Variants in ZFHX3 observed in about 807,000 individuals in gnomAD.
ZFHX3 encodes the protein zinc finger homeobox 3.
In ZFHX3, 42 loss-of-function variants were observed where a neutral mutation model predicts 279.1. The observed-to-expected ratio is 0.15, with a 90% CI of 0.12 to 0.19. The LOEUF (loss-of-function observed/expected upper bound fraction) is 0.19, where lower values mean the gene tolerates loss of function less well. ZFHX3 is among the 10% of genes least tolerant of loss of function. The pLI is 1.00. For missense variants in ZFHX3, 4,981 were observed against 4,754.0 expected, an observed-to-expected ratio of 1.05 and a Z score of -1.40; for synonymous variants, 2,293 against 1,957.8, an observed-to-expected ratio of 1.17 and a Z score of -4.52.
intron 4 of ZFHX3, among the ~76,000 whole-genome samples, chr16:73,263,687 A>G (rs1201393548): frequency 9.9e-5 from 15 of 152,234 alleles, no homozygotes; most frequent in Admixed American, 9.8e-4. Context: ...AGATTGGTAC[A>G]GGACCCAGAG....
intron 1 of ZFHX3, among the ~76,000 whole-genome samples, chr16:73,007,309 G>C (rs1458958036): frequency 1.3e-5 from 2 of 152,130 alleles, no homozygotes; most frequent in Admixed American, 6.5e-5. Context: ...TGCTAGCTTT[G>C]TCAAATCAAC....
At chr16:73,576,479 T>C (rs747275691) in intron 2 of ZFHX3, among the ~76,000 whole-genome samples, 7 of 152,322 alleles carry the variant, frequency 4.6e-5, no homozygotes, top group South Asian at 4.1e-4. Context: ...ACGTTTCACC[T>C]GGCACAAGTA....
chr16:73,871,517 T>A (rs1262051419), intron 1 of ZFHX3, among the ~76,000 whole-genome samples: 1 of 151,536 alleles, frequency 6.6e-6, no homozygotes, highest in African/African-American at 2.4e-5. Context: ...AGAGAGAGTG[T>A]GTGTGCTTAT....
intron 1 of ZFHX3, chr16:73,809,710 G>T (rs975129895): frequency 6.6e-6 from 1 of 152,180 alleles, no homozygotes; most frequent in Non-Finnish European, 1.5e-5. Flanking sequence ...AACATGCATG[G>T]AATAAACGGA....
intron 1 of ZFHX3, among the ~76,000 whole-genome samples, chr16:73,859,653 A>T (rs1038912807): frequency 3.9e-5 from 6 of 152,228 alleles, no homozygotes; most frequent in African/African-American, 1.4e-4. Context: ...AGGCAATAAC[A>T]AAAAAGCAAA....
chr16:73,263,664 G>A (rs1301584564), intron 4 of ZFHX3, among the ~76,000 whole-genome samples: 2 of 152,200 alleles, frequency 1.3e-5, no homozygotes, highest in African/African-American at 2.4e-5. Flanking sequence ...TCCTTCTGCA[G>A]CAGCAGCAAG....
chr16:73,619,154 T>C (rs1261083992), intron 2 of ZFHX3, among the ~76,000 whole-genome samples: 2 of 152,090 alleles, frequency 1.3e-5, no homozygotes, highest in Non-Finnish European at 2.9e-5. Context: ...CCCAAAGCTA[T>C]ATAAATGTTA....
chr16:73,507,977 C>A (rs999304851), intron 2 of ZFHX3, among the ~76,000 whole-genome samples: 1 of 152,144 alleles, frequency 6.6e-6, no homozygotes, highest in Non-Finnish European at 1.5e-5. Flanking sequence ...GGCAGGGGGG[C>A]AAGGACAACA....
intron 2 of ZFHX3, among the ~76,000 whole-genome samples, chr16:73,662,518 T>A (rs2052796271): frequency 6.6e-6 from 1 of 152,132 alleles, no homozygotes; most frequent in Non-Finnish European, 1.5e-5. Flanking sequence ...GAACCTTATG[T>A]CAAAAGCCCT....
chr16:73,000,592 A>C (rs1160729585), intron 1 of ZFHX3, among the ~76,000 whole-genome samples: 1 of 152,072 alleles, frequency 6.6e-6, no homozygotes, highest in East Asian at 1.9e-4. Context: ...TTCTGTCTCG[A>C]CCCGTGGGCT....
chr16:73,306,215 A>G (rs1182996476), intron 4 of ZFHX3, among the ~76,000 whole-genome samples: 1 of 152,230 alleles, frequency 6.6e-6, no homozygotes, highest in South Asian at 2.1e-4. Context: ...TCTGTTCTCA[A>G]ATAGTTTGTT....
chr16:73,174,863 C>CAAAAAAAAAAAAAAAA (rs34447211), intron 5 of ZFHX3, among the ~76,000 whole-genome samples: 1 of 86,834 alleles, frequency 1.2e-5, no homozygotes, highest in African/African-American at 4.1e-5. Context: ...ACTAAAAATA[C>CAAAAAAAAAAAAAAAA]AAAAAAAAAA....
intron 1 of ZFHX3, among the ~76,000 whole-genome samples, chr16:73,025,986 T>C (rs1964482060): frequency 6.6e-6 from 1 of 151,984 alleles, no homozygotes. Context: ...GCTCAACCTC[T>C]CACGCCAGAT....
At chr16:73,232,016 C>G (rs539591676) in intron 5 of ZFHX3, 1 of 152,306 alleles carries the variant, frequency 6.6e-6, no homozygotes, top group South Asian at 2.1e-4. Flanking sequence ...AGTGCTGGCC[C>G]GCAGCCAAGA....
intron 2 of ZFHX3, among the ~76,000 whole-genome samples, chr16:73,651,772 A>G (rs2052674399): frequency 6.7e-6 from 1 of 150,170 alleles, no homozygotes; most frequent in Non-Finnish European, 1.5e-5. Flanking sequence ...GGAGAATGGC[A>G]TGAACCCGGA....
At chr16:72,951,022 G>C in intron 2 of ZFHX3, 57 bp from the exon 3 acceptor site, 1 of 1,570,198 alleles carries the variant, frequency 6.4e-7, no homozygotes. Flanking sequence ...CACGGCCACA[G>C]CTGAGGCACC....
intron 3 of ZFHX3, among the ~76,000 whole-genome samples, chr16:72,896,540 T>A (rs535366905): frequency 3.7e-4 from 56 of 152,364 alleles, no homozygotes; most frequent in African/African-American, 1.3e-3. Flanking sequence ...TGCGACTTTG[T>A]GGGATTCTAC....
chr16:73,104,896 C>G (rs59445002), intron 7 of ZFHX3, among the ~76,000 whole-genome samples: 7,723 of 152,128 alleles, frequency 0.051, 657 homozygotes, highest in African/African-American at 0.18. Flanking sequence ...TGATCAAACC[C>G]AAGTCTGTCC....
At chr16:73,376,962 C>T (rs2016733038) in intron 3 of ZFHX3, among the ~76,000 whole-genome samples, 1 of 139,704 alleles carries the variant, frequency 7.2e-6, no homozygotes, top group Admixed American at 7.6e-5. Flanking sequence ...AACATTTTCA[C>T]TATCATGACT....
Sources: allele counts gnomAD v4.1 joint callset (sites outside exome capture counted in the v4.1 genomes callset), GRCh38; gene constraint gnomAD v4.1.1; transcripts MANE v1.5; gene names NCBI Gene and HGNC (gene_info 2026-07-23, HGNC 2026-07-21).